C1QTNF1: variants seen among roughly 807,000 people sequenced by gnomAD.
C1QTNF1 encodes complement C1q tumor necrosis factor-related protein 1.
A neutral mutation model predicts 27.8 loss-of-function variants in C1QTNF1; 22 were observed. The observed-to-expected ratio is 0.79, with a 90% CI of 0.56 to 1.13. The LOEUF is 1.13. C1QTNF1 is among the 50% of genes most tolerant of loss of function. C1QTNF1 has a pLI of 0.00. For missense variants in C1QTNF1, 373 were observed against 380.2 expected (o/e 0.98, Z 0.16); for synonymous variants, 166 against 154.3 (o/e 1.08, Z -0.56).
Position 79,033,012 on chromosome 17 carries a change from G to A in C1QTNF1, c.-15+8518G>A, listed in dbSNP as rs1228167609. Among the ~76,000 whole-genome samples, 11 of 149,360 alleles carry A rather than the reference G, an allele frequency of 7.4e-5. No individual in the cohort carries two copies. The South Asian group carries it at 1.7e-3, about 23-fold the overall frequency. ...GAACCCAGGAGGCGGAGGTTGCAGC[G>A]AGCCAAGATTGTACCATTGTACTCC... On this transcript the variant is annotated intron_variant, in intron 1 of 3. Transcript: ENST00000579760.
In C1QTNF1 at chr17:79,046,767, G is replaced by C. The variant is rs2145932790; in HGVS notation, c.295+73G>C. ...CTGATCCGGAGGAAGGGATGGAGTCGTTAGGGTGGGGCTAGGCGAGAGCAG... is the reference window on the plus strand; with the variant it reads ...CTGATCCGGAGGAAGGGATGGAGTCCTTAGGGTGGGGCTAGGCGAGAGCAG... On this transcript the variant is annotated intron_variant, in intron 3 of 3. Coordinates refer to ENST00000579760, the MANE Select transcript of C1QTNF1 (RefSeq NM_030968.5). This position sits in a 1 kb window ranked among gnomAD's most constrained non-coding sequence, Gnocchi z 4.8. The C allele has an allele frequency of 1.3e-6, 2 of 1,586,378 alleles. No homozygotes were observed. The highest frequency in any genetic ancestry group is 1.7e-6 in the Non-Finnish European group (2 of 1,160,778).
At chr17:79,039,797 G>GTGTA (rs1197758965) in intron 1 of C1QTNF1, among the ~76,000 whole-genome samples, 53 of 149,234 alleles carry the variant, frequency 3.6e-4, no homozygotes, top group Middle Eastern at 3.5e-3. Context: ...GTGTGTGTGT[G>GTGTA]TATATATATA....
At chr17:79,039,851 A>G (rs2072357123) in intron 1 of C1QTNF1, among the ~76,000 whole-genome samples, 1 of 151,778 alleles carries the variant, frequency 6.6e-6, no homozygotes, top group African/African-American at 2.4e-5. Flanking sequence ...AAACATGTGT[A>G]TGTGTATATA....
chr17:79,035,622 G>T (rs776568479), intron 1 of C1QTNF1, among the ~76,000 whole-genome samples: 13 of 152,066 alleles, frequency 8.5e-5, no homozygotes, highest in Admixed American at 1.3e-4. Context: ...GTAGAGACAG[G>T]GTTTTACCAT....
chr17:79,047,944 G>A lies in C1QTNF1; in HGVS notation c.702G>A (p.Gln234=), dbSNP rs1568074299. The A allele has an allele frequency of 6.2e-7, 1 of 1,614,050 alleles. No homozygotes were observed. Among genetic ancestry groups the A allele is most frequent in the Non-Finnish European group, 8.5e-7 (1 of 1,180,024 alleles). ...QVGDRSIMQS[Q]SLMLELREQD... is the part of the protein sequence containing the mutation. The stretch of plus-strand genomic sequence containing the variant: ...GCGACCGCAGCATCATGCAAAGCCA[G>A]AGCCTGATGCTGGAGCTGCGAGAGC... The change falls in exon 4 of 4, where the codon CAG becomes CAA. Residue 234 remains glutamine, a synonymous_variant. Coordinates refer to ENST00000579760, the MANE Select transcript of C1QTNF1 (RefSeq NM_030968.5).
intron 3 of C1QTNF1, chr17:79,047,098 G>A (rs1385907114): frequency 4.1e-6 from 1 of 244,934 alleles, no homozygotes; most frequent in South Asian, 1.2e-4. Flanking sequence ...CCGTGAAATC[G>A]AACTGGAAAC....
At chr17:79,024,809 A>T (rs1255682164) in intron 1 of C1QTNF1, 1 of 152,308 alleles carries the variant, frequency 6.6e-6, no homozygotes. Context: ...CCTTCCCCCT[A>T]GTTTTTTGTG....
intron 1 of C1QTNF1, among the ~76,000 whole-genome samples, chr17:79,041,407 G>T (rs1375440278): frequency 1.3e-5 from 2 of 152,206 alleles, no homozygotes; most frequent in Non-Finnish European, 2.9e-5. Context: ...TATCGGGAGA[G>T]CCCTGGACTC....
Position 79,043,597 on chromosome 17 carries a change from A to G in C1QTNF1, c.-14-358A>G, listed in dbSNP as rs116823760. ...ATGTGTGTGGATTACATGTGTGTGGATTGCATGTGTGTTGGGTGCATGTGA... is the reference window on the plus strand; with the variant it reads ...ATGTGTGTGGATTACATGTGTGTGGGTTGCATGTGTGTTGGGTGCATGTGA... On this transcript the variant is annotated intron_variant, in intron 1 of 3. Coordinates refer to ENST00000579760, the MANE Select transcript of C1QTNF1 (RefSeq NM_030968.5). The G allele has an allele frequency of 1.3e-3, 577 of 446,598 alleles. 1 individual carries two copies. Among genetic ancestry groups the G allele is most frequent in the African/African-American group, 0.011 (519 of 49,052 alleles). The allele number at this position is 446,598 out of a possible 1,614,324, so 27.7% of individuals were successfully genotyped here. A position where few individuals can be genotyped will look rare whatever the true frequency, so the allele number is the denominator to read the frequency against.
intron 2 of C1QTNF1, among the ~76,000 whole-genome samples, chr17:79,044,871 T>C (rs1041741954): frequency 2.6e-5 from 4 of 152,186 alleles, no homozygotes; most frequent in African/African-American, 9.7e-5. Flanking sequence ...ACGATGGGAT[T>C]GGACAGGATT....
At position 79,048,298 on chromosome 17, in the gene C1QTNF1, C is replaced by A. The variant is rs1009401263; in HGVS notation, c.*210C>A. On this transcript the variant is annotated 3_prime_UTR_variant, in exon 4 of 4. Transcript: ENST00000579760. ...CAGATGAAATCACCAGGGCGGGGCA[C>A]CCGCGAGAACCCTCTGGGACCTTCC... 2.6e-5 allele frequency: 15 copies of A among 572,408 alleles called. No individual in the cohort carries two copies. The highest frequency in any genetic ancestry group is 1.1e-4 in the Admixed American group (3 of 28,336). 35.5% of individuals were successfully genotyped at this position (572,408 alleles called of 1,614,324 possible). A position where few individuals can be genotyped will look rare whatever the true frequency, so the allele number is the denominator to read the frequency against.
rs1217891470 is a variant in C1QTNF1, at chr17:79,046,107, ACATAAGAGT to A, written c.156-446_156-438del. 6.6e-6 allele frequency among the ~76,000 whole-genome samples: 1 copy of A among 152,202 alleles called. No individual in the cohort carries two copies. On this transcript the variant is annotated intron_variant, in intron 2 of 3. Coordinates refer to ENST00000579760, the MANE Select transcript of C1QTNF1 (RefSeq NM_030968.5). The surrounding 1 kb of genome is among the most constrained non-coding windows in gnomAD (Gnocchi z 4.8). ...GCTTGTCCTTCCAATCAGGTTGGAA[ACATAAGAGT>A]CTCTCCAGCGGCTACAGCTGAGGGG...
chr17:79,046,712 A>C lies in C1QTNF1; in HGVS notation c.295+18A>C. ...CTTGAAAGGTCAGATGGCTGCAAAGACAAGCACGGGGTGGCCGGGCTGCTC... is the reference window on the plus strand; with the variant it reads ...CTTGAAAGGTCAGATGGCTGCAAAGCCAAGCACGGGGTGGCCGGGCTGCTC... On this transcript the variant is annotated intron_variant, in intron 3 of 3. Coordinates refer to ENST00000579760, the MANE Select transcript of C1QTNF1 (RefSeq NM_030968.5). This position sits in a 1 kb window ranked among gnomAD's most constrained non-coding sequence, Gnocchi z 4.8. 6.2e-7 allele frequency: 1 copy of C among 1,614,044 alleles called. No homozygotes were observed. The highest frequency in any genetic ancestry group is 8.5e-7 in the Non-Finnish European group (1 of 1,179,962).
At chr17:79,039,585 G>A (rs1166036969) in intron 1 of C1QTNF1, among the ~76,000 whole-genome samples, 3 of 152,048 alleles carry the variant, frequency 2.0e-5, no homozygotes, top group South Asian at 2.1e-4. Flanking sequence ...CCTGGGAGGC[G>A]GAGGTTGCAG....
rs762954183 is a variant in C1QTNF1 at position 79,047,930 on chromosome 17, A to G, written c.688A>G (p.Ile230Val). The G allele has an allele frequency of 1.2e-6, 2 of 1,614,088 alleles. No homozygotes were observed. The highest frequency in any genetic ancestry group is 1.7e-6 in the Non-Finnish European group (2 of 1,180,010). ...ILFAQVGDRS[I>V]MQSQSLMLEL... is the part of the protein sequence containing the mutation. Reference sequence around the variant, plus strand: ...GTTCGCGCAGGTGGGCGACCGCAGCATCATGCAAAGCCAGAGCCTGATGCT... The same window carrying G: ...GTTCGCGCAGGTGGGCGACCGCAGCGTCATGCAAAGCCAGAGCCTGATGCT... The change falls in exon 4 of 4, where the codon ATC becomes GTC. Residue 230 changes from isoleucine to valine, a missense_variant. Transcript: ENST00000579760.
In C1QTNF1 at chr17:79,028,059, C is replaced by A. The variant is rs768740227; in HGVS notation, c.-15+3565C>A. Among the ~76,000 whole-genome samples, 3 of 152,222 alleles carry A rather than the reference C, an allele frequency of 2.0e-5. No homozygotes were observed. The South Asian group carries it at 6.2e-4, about 32-fold the overall frequency. On this transcript the variant is annotated intron_variant, in intron 1 of 3. Coordinates refer to ENST00000579760, the MANE Select transcript of C1QTNF1 (RefSeq NM_030968.5). ...GCCGTCGGGACGGCTGTGGCCGGGC[C>A]GGTGTCTGCCCATCTCCCTGGCTCC...
chr17:79,047,572 A>T lies in C1QTNF1; in HGVS notation c.330A>T (p.Gln110His). 2.0e-6 allele frequency: 3 copies of T among 1,534,702 alleles called. No individual in the cohort carries two copies. Among genetic ancestry groups the T allele is most frequent in the Non-Finnish European group, 2.6e-6 (3 of 1,143,328 alleles). ...EKGDRGDRGL[Q>H]GKYGKTGSAG... ...GTGACCGCGGAGATCGAGGCCTCCA[A>T]GGGAAATATGGCAAAACAGGCTCAG... Residue 110 changes from glutamine to histidine, a missense_variant, in exon 4 of 4, where the codon CAA becomes CAT. Physicochemically the swap from Gln to His is conservative, Grantham distance 24 (BLOSUM62 0). Coordinates refer to ENST00000579760, the MANE Select transcript of C1QTNF1 (RefSeq NM_030968.5).
At chr17:79,026,013 C>T (rs986167374) in intron 1 of C1QTNF1, 42 of 244,348 alleles carry the variant, frequency 1.7e-4, no homozygotes, top group Non-Finnish European at 4.9e-5. Flanking sequence ...ATAGTTAATT[C>T]TCAACACTTC....
intron 1 of C1QTNF1, chr17:79,034,568 A>G (rs1040746324): frequency 6.6e-6 from 1 of 152,286 alleles, no homozygotes; most frequent in Non-Finnish European, 1.5e-5. Flanking sequence ...AGTTGCTCCA[A>G]GATGGGAGGG....
Sources: allele counts gnomAD v4.1 joint callset (sites outside exome capture counted in the v4.1 genomes callset), GRCh38; gene constraint gnomAD v4.1.1; non-coding constraint Gnocchi (gnomAD v3.1); transcripts MANE v1.5; gene names NCBI Gene and HGNC (gene_info 2026-07-23, HGNC 2026-07-21).